The following DRC3 variants were observed in gnomAD, a reference collection of about 807,000 sequenced individuals.
DRC3 encodes the protein leucine rich repeat containing 48.
A neutral mutation model predicts 57.6 loss-of-function variants in DRC3; 45 were observed. The ratio of observed to expected loss-of-function variants is 0.78; its 90% CI spans 0.62 to 1.00. The LOEUF is 1.00. Ranked by LOEUF, DRC3 falls within the 50% of genes least tolerant of loss-of-function variation. The probability of loss-of-function intolerance (pLI) is 0.00; values close to 1 mark genes in which losing one functional copy is unlikely to be tolerated. For synonymous variants in DRC3, 257 were observed against 272.3 expected, an observed-to-expected ratio of 0.94 and a Z score of 0.55; for missense variants, 655 against 675.2, an observed-to-expected ratio of 0.97 and a Z score of 0.33.
At chr17:17,986,466 CT>C (rs35727404) in intron 4 of DRC3, among the ~76,000 whole-genome samples, 3,311 of 133,266 alleles carry the variant, frequency 0.025, 50 homozygotes, top group African/African-American at 0.061. Context: ...CCCAAATCAC[CT>C]TTTTTTTTTT....
chr17:17,999,404 C>T (rs1362324212), intron 9 of DRC3, among the ~76,000 whole-genome samples: 4 of 152,204 alleles, frequency 2.6e-5, no homozygotes, highest in Non-Finnish European at 5.9e-5. Context: ...TTCCATTGTT[C>T]CCTGGGTGCT....
At chr17:17,978,924 A>G (rs1420917331) in intron 3 of DRC3, among the ~76,000 whole-genome samples, 2 of 152,262 alleles carry the variant, frequency 1.3e-5, no homozygotes, top group South Asian at 2.1e-4. Context: ...CCTTGTCCTC[A>G]TGGAGCTGAC....
intron 8 of DRC3, 98 bp from the exon 9 acceptor site, chr17:17,997,362 G>T: frequency 2.7e-6 from 3 of 1,097,520 alleles, no homozygotes; most frequent in Non-Finnish European, 3.9e-6. Flanking sequence ...ACTGTTGAGC[G>T]CACAGTCTGT....
At chr17:18,004,668 A>T (rs1260906306) in intron 10 of DRC3, 174 bp downstream of exon 10, 9 of 642,974 alleles carry the variant, frequency 1.4e-5, no homozygotes, top group Non-Finnish European at 2.3e-5. Context: ...CATTTTAATC[A>T]TTTACATTGG....
chr17:17,980,282 G>T (rs1167059392), intron 3 of DRC3, among the ~76,000 whole-genome samples: 2 of 144,716 alleles, frequency 1.4e-5, no homozygotes, highest in Non-Finnish European at 3.0e-5. Context: ...TTTTATTGTT[G>T]TTGTTTTTTT....
intron 8 of DRC3, among the ~76,000 whole-genome samples, 166 bp downstream of exon 8, chr17:17,995,277 A>G (rs1253191983): frequency 6.6e-6 from 1 of 152,256 alleles, no homozygotes; most frequent in Non-Finnish European, 1.5e-5. Context: ...GAGTCCGGTC[A>G]GCTGAGCTGC....
intron 9 of DRC3, 22 bp downstream of exon 9, chr17:17,997,656 G>T (rs1278492202): frequency 6.4e-7 from 1 of 1,567,370 alleles, no homozygotes; most frequent in Non-Finnish European, 8.6e-7. Flanking sequence ...GCCTCCTGAG[G>T]CCCTCCCTGT....
In DRC3 at chr17:17,983,939, G is replaced by A. The variant is rs200348668; in HGVS notation, c.272G>A (p.Trp91Ter). 2 of 1,602,326 alleles carry A rather than the reference G, an allele frequency of 1.2e-6. No individual in the cohort carries two copies. The highest frequency in any genetic ancestry group is 1.7e-6 in the Non-Finnish European group (2 of 1,169,736). ...CTGGAGAACCTCGCACACCTGGTCT[G>A]GCTGGGTAAGGCCCTTTCCTCTGTG... ...EGLENLAHLV[W>*]LDLSFNNIET... Residue 91 changes from tryptophan to a stop codon, truncating the protein, a stop_gained, in exon 4 of 14, where the codon TGG (tryptophan) becomes TAG (stop). Coordinates refer to ENST00000399187, the MANE Select transcript of DRC3 (RefSeq NM_031294.4). LOFTEE classifies it high-confidence loss of function.
At position 17,977,627 on chromosome 17, in the gene DRC3, C is replaced by T. The variant is rs375506490; in HGVS notation, c.29C>T (p.Pro10Leu). The change falls in exon 3 of 14, where the codon CCG (proline) becomes CTG (leucine). Residue 10 changes from proline (P) to leucine (L), a missense_variant. Coordinates refer to ENST00000399187, the MANE Select transcript of DRC3 (RefSeq NM_031294.4). ...AACCAGCCGTGCAACTCGATGGAGC[C>T]GAGGGTGATGGACGATGACATGCTC... MNQPCNSME[P>L]RVMDDDMLKL... 1.9e-6 allele frequency: 3 copies of T among 1,613,908 alleles called. No individual in the cohort carries two copies. Among genetic ancestry groups the T allele is most frequent in the Non-Finnish European group, 2.5e-6 (3 of 1,179,868 alleles).
chr17:17,981,689 AT>A (rs933679731), intron 3 of DRC3: 8 of 151,156 alleles, frequency 5.3e-5, no homozygotes, highest in Non-Finnish European at 5.9e-5. Flanking sequence ...ACCGATTTTT[AT>A]TTTTTTTTAT....
intron 12 of DRC3, among the ~76,000 whole-genome samples, chr17:18,012,183 T>C (rs891814499): frequency 6.6e-6 from 1 of 152,128 alleles, no homozygotes; most frequent in Non-Finnish European, 1.5e-5. Flanking sequence ...TGAAACAGAA[T>C]AGAGAACTCA....
intron 12 of DRC3, among the ~76,000 whole-genome samples, chr17:18,012,981 C>G (rs2044220502): frequency 6.6e-6 from 1 of 152,018 alleles, no homozygotes; most frequent in Non-Finnish European, 1.5e-5. Context: ...ACAAACAATT[C>G]AATTAAAAAC....
chr17:17,983,954 T>C lies in DRC3; in HGVS notation c.277+10T>C, dbSNP rs560929266. The C allele has an allele frequency of 6.4e-7, 1 of 1,565,734 alleles. No individual in the cohort carries two copies. The highest frequency in any genetic ancestry group is 8.8e-7 in the Non-Finnish European group (1 of 1,137,208). ...CACCTGGTCTGGCTGGGTAAGGCCC[T>C]TTCCTCTGTGTGTCCACCCTAATCG... On this transcript the variant is annotated intron_variant, in intron 4 of 13. Coordinates refer to ENST00000399187, the MANE Select transcript of DRC3 (RefSeq NM_031294.4).
At position 18,002,706 on chromosome 17, in the gene DRC3, C is replaced by T. The variant is rs117206713; in HGVS notation, c.1000-1657C>T. On this transcript the variant is annotated intron_variant, in intron 9 of 13. Transcript: ENST00000399187. Reference sequence around the variant, plus strand: ...TGCTTCCTGTACACGGCCTCTGATCCCCAGGACCCCGTGAGGCAGAGATGC... The same window carrying T: ...TGCTTCCTGTACACGGCCTCTGATCTCCAGGACCCCGTGAGGCAGAGATGC... 4.0e-4 allele frequency among the ~76,000 whole-genome samples: 61 copies of T among 152,232 alleles called. 1 individual carries two copies. Among genetic ancestry groups the T allele is most frequent in the Admixed American group, 1.3e-3 (20 of 15,294 alleles).
At position 18,007,328 on chromosome 17, in the gene DRC3, GGTGGGGCACCCA is replaced by G. The variant is rs748176286; in HGVS notation, c.1326+189_1326+200del. The G allele has an allele frequency of 1.8e-3, 2,552 of 1,444,638 alleles. 4 individuals carry two copies. The highest frequency in any genetic ancestry group is 2.1e-3 in the Non-Finnish European group (2,253 of 1,050,438). 89.5% of individuals were successfully genotyped at this position (1,444,638 alleles called of 1,614,324 possible). ...GATAAAATAGGCTAACAAAGCACCT[GGTGGGGCACCCA>G]GTGGGGCCCAGTTAAAGAGGAGCTC... On this transcript the variant is annotated intron_variant, in intron 12 of 13. Transcript: ENST00000399187.
At chr17:17,992,660 C>A in intron 5 of DRC3, 105 bp from the exon 6 acceptor site, 1 of 1,258,550 alleles carries the variant, frequency 7.9e-7, no homozygotes, top group Non-Finnish European at 1.1e-6. Flanking sequence ...GCTGATGGTG[C>A]TGTGGCCAGG....
chr17:17,999,252 C>G (rs1428160254), intron 9 of DRC3, among the ~76,000 whole-genome samples: 2 of 152,220 alleles, frequency 1.3e-5, no homozygotes, highest in Non-Finnish European at 2.9e-5. Context: ...CAAAGGCCAC[C>G]TCGGACGAGC....
chr17:17,977,537 C>T, intron 2 of DRC3, 45 bp from the exon 3 acceptor site: 1 of 1,609,752 alleles, frequency 6.2e-7, no homozygotes, highest in Non-Finnish European at 8.5e-7. Context: ...TGCCCTCAAA[C>T]AGAGAAAGAA....
intron 10 of DRC3, 27 bp downstream of exon 10, chr17:18,004,521 C>G (rs764428167): frequency 6.2e-7 from 1 of 1,601,170 alleles, no homozygotes; most frequent in Non-Finnish European, 8.5e-7. Flanking sequence ...GGCACAAGTG[C>G]CAGAATCTGG....
Sources: allele counts gnomAD v4.1 joint callset (sites outside exome capture counted in the v4.1 genomes callset), GRCh38; gene constraint gnomAD v4.1.1; transcripts MANE v1.5; gene names NCBI Gene and HGNC (gene_info 2026-07-23, HGNC 2026-07-21).